The following FHAD1 variants were observed in gnomAD, a reference collection of about 807,000 sequenced individuals.
FHAD1 encodes forkhead associated phosphopeptide binding domain 1, also known as forkhead-associated domain-containing protein 1.
In FHAD1, 146 loss-of-function variants were observed where a neutral mutation model predicts 191.3. That is an observed-to-expected ratio of 0.76 (90% CI 0.67 to 0.88). FHAD1 has a LOEUF of 0.88. FHAD1 is among the 40% of genes least tolerant of loss of function. The pLI is 0.00. For synonymous variants in FHAD1, 616 were observed against 672.3 expected, an observed-to-expected ratio of 0.92 and a Z score of 1.29; for missense variants, 1,635 against 1,785.8, an observed-to-expected ratio of 0.92 and a Z score of 1.52.
At chr1:15,350,874 T>C (rs1255184141) in intron 19 of FHAD1, among the ~76,000 whole-genome samples, 1 of 151,912 alleles carries the variant, frequency 6.6e-6, no homozygotes, top group African/African-American at 2.4e-5. Flanking sequence ...ATGAGGGAAG[T>C]GAGGTCAGAG....
chr1:15,345,589 A>G (rs1046347808), intron 18 of FHAD1, 66 bp downstream of exon 18: 46 of 1,290,286 alleles, frequency 3.6e-5, no homozygotes, highest in Admixed American at 2.0e-4. Context: ...AAGGAAGTTC[A>G]GAGCGGCGAT....
intron 5 of FHAD1, among the ~76,000 whole-genome samples, chr1:15,297,485 A>AACCACCTGGAGCTCTT (rs1667336741): frequency 6.6e-6 from 1 of 152,220 alleles, no homozygotes; most frequent in Non-Finnish European, 1.5e-5. Context: ...TAAGGAGCAG[A>AACCACCTGGAGCTCTT]ACCACCTGGA....
chr1:15,301,594 G>A (rs966103775), intron 6 of FHAD1, among the ~76,000 whole-genome samples, 153 bp downstream of exon 6: 4 of 152,194 alleles, frequency 2.6e-5, no homozygotes, highest in Non-Finnish European at 4.4e-5. Context: ...TGGGAGATTC[G>A]GCAGTTTCCT....
At chr1:15,347,788 GT>G (rs1689443792) in intron 18 of FHAD1, among the ~76,000 whole-genome samples, 2 of 152,180 alleles carry the variant, frequency 1.3e-5, no homozygotes, top group African/African-American at 4.8e-5. Context: ...CATCATCAGG[GT>G]TTTTAAGGTC....
At chr1:15,271,211 G>A (rs1655830319) in intron 2 of FHAD1, among the ~76,000 whole-genome samples, 1 of 151,812 alleles carries the variant, frequency 6.6e-6, no homozygotes, top group Non-Finnish European at 1.5e-5. Flanking sequence ...TACTCGGGAG[G>A]CTGAGGCAGA....
chr1:15,303,848 C>CAAAAAAAAAAAAAAA (rs765601462), intron 6 of FHAD1, among the ~76,000 whole-genome samples: 31 of 104,434 alleles, frequency 3.0e-4, no homozygotes, highest in African/African-American at 9.8e-4. Flanking sequence ...GACTCTGTCT[C>CAAAAAAAAAAAAAAA]AAAAAAAAAA....
chr1:15,367,338 A>G (rs906228516), intron 24 of FHAD1, 125 bp from the exon 25 acceptor site: 2 of 1,109,528 alleles, frequency 1.8e-6, no homozygotes, highest in Non-Finnish European at 2.5e-6. Flanking sequence ...TCTACTAAAA[A>G]TACAAAAATT....
chr1:15,318,000 C>A, intron 10 of FHAD1, 72 bp downstream of exon 10: 1 of 946,544 alleles, frequency 1.1e-6, no homozygotes, highest in South Asian at 1.5e-5. Flanking sequence ...TGTTAGTCCT[C>A]TAAGTGGACT....
intron 23 of FHAD1, 51 bp from the exon 24 acceptor site, chr1:15,365,776 A>G: frequency 8.4e-7 from 1 of 1,187,464 alleles, no homozygotes; most frequent in South Asian, 1.3e-5. Flanking sequence ...CACTCAGGAG[A>G]TAACATGGAG....
intron 19 of FHAD1, 124 bp downstream of exon 19, chr1:15,349,273 C>T (rs1038927268): frequency 1.3e-5 from 9 of 709,134 alleles, no homozygotes; most frequent in Admixed American, 5.6e-5. Flanking sequence ...CAAGATCTGC[C>T]GTTTACTGGC....
At chr1:15,354,880 C>T (rs1692193563) in intron 20 of FHAD1, among the ~76,000 whole-genome samples, 1 of 152,136 alleles carries the variant, frequency 6.6e-6, no homozygotes. Context: ...AAGAAGCAAC[C>T]TTCTCAACAA....
intron 4 of FHAD1, among the ~76,000 whole-genome samples, chr1:15,290,693 AC>A (rs373465588): frequency 0.026 from 3,675 of 144,020 alleles, 94 homozygotes; most frequent in South Asian, 0.1. Flanking sequence ...TTTAATATGA[AC>A]TTTTTTTTTT....
At chr1:15,332,932 C>T (rs1219289613) in intron 14 of FHAD1, among the ~76,000 whole-genome samples, 2 of 152,104 alleles carry the variant, frequency 1.3e-5, no homozygotes, top group Non-Finnish European at 2.9e-5. Context: ...ATAAAGAAAA[C>T]AGTATTTCCA....
rs1334314641 is a variant in FHAD1, at chr1:15,381,213, C to T, written c.3802-18C>T. The T allele has an allele frequency of 3.9e-6, 6 of 1,538,390 alleles. No homozygotes were observed. Among genetic ancestry groups the T allele is most frequent in the African/African-American group, 1.4e-5 (1 of 72,746 alleles). On this transcript the variant is annotated intron_variant, in intron 29 of 33. Coordinates refer to ENST00000688493, the MANE Select transcript of FHAD1 (RefSeq NM_001391957.1). This position sits in a 1 kb window ranked among gnomAD's most constrained non-coding sequence, Gnocchi z 4.6. ...GGCCGCGGGTAATGCCTCTTATGCG[C>T]GAACGTTTTCCTTGTAGTACCTGGA...
At position 15,289,622 on chromosome 1, in the gene FHAD1, C is replaced by T. The variant is rs867903874; in HGVS notation, c.524C>T (p.Ser175Leu). ...GTGAGCGCCAACAAGGAGATGTTCT[C>T]GTTCGTGGTGGACGACGCCCGCAAG... ...RPVSANKEMF[S>L]FVVDDARKPP... The change falls in exon 4 of 34, where the codon TCG (serine) becomes TTG (leucine). Residue 175 changes from serine to leucine, a missense_variant. Physicochemically the swap from Ser to Leu is moderately radical, Grantham distance 145. Coordinates refer to ENST00000688493, the MANE Select transcript of FHAD1 (RefSeq NM_001391957.1). This position sits in a 1 kb window ranked among gnomAD's most constrained non-coding sequence, Gnocchi z 4.2. 3.9e-6 allele frequency: 6 copies of T among 1,551,310 alleles called. No individual in the cohort carries two copies. The highest frequency in any genetic ancestry group is 1.4e-5 in the African/African-American group (1 of 73,054).
intron 28 of FHAD1, among the ~76,000 whole-genome samples, chr1:15,378,551 C>T (rs1057265204): frequency 1.3e-5 from 2 of 152,202 alleles, no homozygotes; most frequent in East Asian, 3.9e-4. Context: ...GCAGAGGATG[C>T]AGTTGAGGGA....
At chr1:15,383,610 T>A (rs1199271588) in intron 31 of FHAD1, 2 of 303,084 alleles carry the variant, frequency 6.6e-6, no homozygotes, top group Non-Finnish European at 1.3e-5. Context: ...AGCCAGACTC[T>A]CCCTTTCCTT....
At chr1:15,300,536 C>T (rs570885091) in intron 5 of FHAD1, among the ~76,000 whole-genome samples, 2 of 152,268 alleles carry the variant, frequency 1.3e-5, no homozygotes, top group South Asian at 2.1e-4. Flanking sequence ...ACCTTTCCTT[C>T]GTCCCCAGAT....
chr1:15,265,135 T>A (rs1170000284), intron 2 of FHAD1, among the ~76,000 whole-genome samples: 1 of 152,220 alleles, frequency 6.6e-6, no homozygotes, highest in African/African-American at 2.4e-5. Context: ...GTAGTTTTCT[T>A]ATAATGTCTT....
Sources: allele counts gnomAD v4.1 joint callset (sites outside exome capture counted in the v4.1 genomes callset), GRCh38; gene constraint gnomAD v4.1.1; non-coding constraint Gnocchi (gnomAD v3.1); transcripts MANE v1.5; gene names NCBI Gene and HGNC (gene_info 2026-07-23, HGNC 2026-07-21).